Variants in SUPT3H observed in about 807,000 individuals in gnomAD.
The protein encoded by SUPT3H is SPT3 homolog, SAGA and STAGA complex component, also known as transcription initiation protein SPT3 homolog.
A neutral mutation model predicts 44.3 loss-of-function variants in SUPT3H; 44 were observed. The observed-to-expected ratio is 0.99, with a 90% CI of 0.78 to 1.28. The LOEUF (loss-of-function observed/expected upper bound fraction) is 1.28, where lower values mean the gene tolerates loss of function less well. Among genes scored for constraint, SUPT3H ranks in the 50% most tolerant of loss-of-function variants. The probability of loss-of-function intolerance (pLI) is 0.00; values close to 1 mark genes in which losing one functional copy is unlikely to be tolerated. For missense variants in SUPT3H, 380 were observed against 387.1 expected (o/e 0.98, Z 0.15); for synonymous variants, 124 against 125.6 (o/e 0.99, Z 0.09).
chr6:45,281,385 T>C (rs987152856), intron 2 of SUPT3H, among the ~76,000 whole-genome samples: 1 of 152,164 alleles, frequency 6.6e-6, no homozygotes, highest in Non-Finnish European at 1.5e-5. Flanking sequence ...ATCGGGTCAT[T>C]CCCACCCTAA....
chr6:45,255,161 T>C (rs1773130827), intron 2 of SUPT3H, among the ~76,000 whole-genome samples: 1 of 152,116 alleles, frequency 6.6e-6, no homozygotes, highest in Non-Finnish European at 1.5e-5. Context: ...TATATCTGTA[T>C]GGGAAAAAAC....
intron 10 of SUPT3H, among the ~76,000 whole-genome samples, chr6:44,902,080 T>C (rs1765167854): frequency 6.6e-6 from 1 of 152,122 alleles, no homozygotes; most frequent in African/African-American, 2.4e-5. Context: ...TGCCAAATTG[T>C]AAAGACCATC....
chr6:44,915,374 A>G, intron 10 of SUPT3H, among the ~76,000 whole-genome samples: 1 of 152,200 alleles, frequency 6.6e-6, no homozygotes, highest in Non-Finnish European at 1.5e-5. Context: ...GTCTTGAATA[A>G]TTTACGGTTC....
intron 3 of SUPT3H, among the ~76,000 whole-genome samples, chr6:45,073,386 T>C (rs1348624396): frequency 6.6e-6 from 1 of 151,878 alleles, no homozygotes; most frequent in East Asian, 1.9e-4. Context: ...ATAAAAGCAA[T>C]AAATGTTTAT....
At chr6:45,115,383 G>A (rs1362188942) in intron 2 of SUPT3H, among the ~76,000 whole-genome samples, 1 of 152,042 alleles carries the variant, frequency 6.6e-6, no homozygotes, top group East Asian at 1.9e-4. Flanking sequence ...GTGTCCAGAA[G>A]AAAAAGTATT....
In SUPT3H at chr6:44,999,661, C is replaced by CT. The variant is rs200294423; in HGVS notation, c.504+3991dup. ...GATAAACTTAGATATTTATTAAAGT[C>CT]TTTTTTTTCCCTTGAATTAATCAGT... On this transcript the variant is annotated intron_variant, in intron 6 of 10. Coordinates refer to ENST00000371459, the MANE Select transcript of SUPT3H (RefSeq NM_003599.4). 9.0e-4 allele frequency among the ~76,000 whole-genome samples: 136 copies of CT among 151,636 alleles called. 2 individuals are homozygous for CT. In the East Asian group the frequency reaches 0.023, roughly 26 times the overall value.
intron 6 of SUPT3H, among the ~76,000 whole-genome samples, chr6:45,001,941 A>G (rs1168225495): frequency 1.3e-5 from 2 of 152,066 alleles, no homozygotes; most frequent in Admixed American, 1.3e-4. Flanking sequence ...CAGTTAAGTT[A>G]TGTCTACAAG....
chr6:45,139,993 T>C lies in SUPT3H; in HGVS notation c.102-33987A>G, dbSNP rs537375849. ...AGGGAGGGTTGAGGCCTGAAAGCCA[T>C]GCTTGCTTTATCAGACTGGGGCAAG... On this transcript the variant is annotated intron_variant, in intron 2 of 10. Transcript: ENST00000371459. Among the ~76,000 whole-genome samples, 7 of 152,242 alleles carry C rather than the reference T, an allele frequency of 4.6e-5. No individual in the cohort carries two copies. The East Asian group carries it at 1.2e-3, about 25-fold the overall frequency.
rs529216879 is a variant in SUPT3H, at chr6:45,029,471, T to C, written c.187-8839A>G. 1.8e-3 allele frequency among the ~76,000 whole-genome samples: 279 copies of C among 151,626 alleles called. 1 individual carries two copies. Among genetic ancestry groups the C allele is most frequent in the African/African-American group, 6.2e-3 (258 of 41,426 alleles). Reference sequence around the variant, plus strand: ...AGCTTAAAAAATATCCAATAAACAATAACTATATATTTACTGTATGAAGAT... The same window carrying C: ...AGCTTAAAAAATATCCAATAAACAACAACTATATATTTACTGTATGAAGAT... On this transcript the variant is annotated intron_variant, in intron 3 of 10. Coordinates refer to ENST00000371459, the MANE Select transcript of SUPT3H (RefSeq NM_003599.4).
chr6:45,088,919 T>A (rs1265459645), intron 3 of SUPT3H, among the ~76,000 whole-genome samples: 1 of 152,078 alleles, frequency 6.6e-6, no homozygotes, highest in African/African-American at 2.4e-5. Flanking sequence ...CATAAGTAGT[T>A]GAAGCTAAAA....
intron 2 of SUPT3H, among the ~76,000 whole-genome samples, chr6:45,262,961 T>G (rs1188122245): frequency 6.6e-6 from 1 of 152,108 alleles, no homozygotes; most frequent in African/African-American, 2.4e-5. Flanking sequence ...ACAGTCAGAA[T>G]CGTTGTTATT....
At chr6:45,000,435 TTTC>T in intron 6 of SUPT3H, among the ~76,000 whole-genome samples, 1 of 152,144 alleles carries the variant, frequency 6.6e-6, no homozygotes, top group Middle Eastern at 3.4e-3. Context: ...CATCCACCTA[TTTC>T]TTCTTCAATG....
intron 3 of SUPT3H, among the ~76,000 whole-genome samples, chr6:45,023,891 C>T (rs185743302): frequency 1.7e-3 from 257 of 152,084 alleles, no homozygotes; most frequent in African/African-American, 6.0e-3. Flanking sequence ...TCACATGTAC[C>T]CCTGAACCTA....
chr6:44,885,232 A>G lies in SUPT3H; in HGVS notation c.912+47421T>C, dbSNP rs371184628. 8.9e-4 allele frequency among the ~76,000 whole-genome samples: 135 copies of G among 152,286 alleles called. 1 individual carries two copies. Among genetic ancestry groups the G allele is most frequent in the African/African-American group, 2.4e-3 (99 of 41,560 alleles). ...ACAGCAGTAACCTCTGCAGACTTAA[A>G]TGTCCCTGTCTGACAGCTTTGAAGA... On this transcript the variant is annotated intron_variant, in intron 10 of 10. Coordinates refer to ENST00000371459, the MANE Select transcript of SUPT3H (RefSeq NM_003599.4).
intron 2 of SUPT3H, among the ~76,000 whole-genome samples, chr6:45,313,151 A>G (rs1430164921): frequency 6.6e-6 from 1 of 152,184 alleles, no homozygotes; most frequent in Admixed American, 6.5e-5. Context: ...TGCTAAGAGG[A>G]AAGTTCATAG....
chr6:45,099,804 A>G (rs1798291905), intron 3 of SUPT3H, among the ~76,000 whole-genome samples: 1 of 152,224 alleles, frequency 6.6e-6, no homozygotes, highest in Non-Finnish European at 1.5e-5. Context: ...ATGGCAATCT[A>G]AAAATGAAAT....
chr6:44,898,803 C>G (rs1764510645), intron 10 of SUPT3H: 1 of 152,342 alleles, frequency 6.6e-6, no homozygotes, highest in Non-Finnish European at 1.5e-5. Context: ...GCAGTCGCTG[C>G]TTCAACAGGG....
At chr6:45,364,604 G>A (rs1452676154) in intron 2 of SUPT3H, among the ~76,000 whole-genome samples, 5 of 152,132 alleles carry the variant, frequency 3.3e-5, no homozygotes, top group Admixed American at 1.3e-4. Flanking sequence ...AAGAGATATA[G>A]TTTCACTTAA....
chr6:45,043,246 A>C (rs1788869360), intron 3 of SUPT3H, among the ~76,000 whole-genome samples: 1 of 152,096 alleles, frequency 6.6e-6, no homozygotes, highest in South Asian at 2.1e-4. Context: ...ACACCTATTT[A>C]ATTTTGTTTT....
Sources: gnomAD v4.1 joint callset for allele counts (sites outside exome capture counted in the v4.1 genomes callset) on GRCh38, gnomAD v4.1.1 for gene constraint, MANE v1.5 for transcripts, NCBI Gene and HGNC (gene_info 2026-07-23, HGNC 2026-07-21) for gene names.